Variants in CD226 observed in about 807,000 individuals in gnomAD.
CD226 encodes the protein CD226 antigen.
A neutral mutation model predicts 34.9 loss-of-function variants in CD226; 24 were observed. That is an observed-to-expected ratio of 0.69 (90% CI 0.50 to 0.97). The LOEUF is 0.97. Among genes scored for constraint, CD226 ranks in the 50% least tolerant of loss-of-function variants. CD226 has a pLI of 0.00. For missense variants in CD226, 397 were observed against 412.7 expected (o/e 0.96, Z 0.33); for synonymous variants, 148 against 147.4 (o/e 1.00, Z -0.03).
chr18:69,901,239 A>G (rs2055178678), intron 2 of CD226, among the ~76,000 whole-genome samples: 1 of 152,234 alleles, frequency 6.6e-6, no homozygotes, highest in Non-Finnish European at 1.5e-5. Flanking sequence ...TGTGGAACTT[A>G]AAAAGGAAAA....
At chr18:69,945,798 C>T (rs1003620873) in intron 2 of CD226, among the ~76,000 whole-genome samples, 5 of 152,114 alleles carry the variant, frequency 3.3e-5, no homozygotes, top group Admixed American at 1.3e-4. Context: ...TTTAATTGGA[C>T]TTACAGCACC....
rs1227438358 is a variant in CD226 at position 69,896,257 on chromosome 18, A to C, written c.383-212T>G. ...AGTGCAGTGGTGTGATCTCGGCTCA[A>C]TGCAACCTCCACCTCCCAGGTTCAC... On this transcript the variant is annotated intron_variant, in intron 2 of 5. Coordinates refer to ENST00000582621, the MANE Select transcript of CD226 (RefSeq NM_001303618.2). 5 of 578,168 alleles carry C rather than the reference A, an allele frequency of 8.6e-6. No homozygotes were observed. The East Asian group carries it at 4.4e-4, about 51-fold the overall frequency. 35.8% of individuals were successfully genotyped at this position (578,168 alleles called of 1,614,324 possible).
At chr18:69,925,730 C>G (rs1479389187) in intron 2 of CD226, among the ~76,000 whole-genome samples, 1 of 152,156 alleles carries the variant, frequency 6.6e-6, no homozygotes, top group East Asian at 1.9e-4. Flanking sequence ...CAGTCTCGCT[C>G]CCATATGAAC....
intron 2 of CD226, among the ~76,000 whole-genome samples, chr18:69,919,434 T>C (rs1216995245): frequency 6.6e-6 from 1 of 152,138 alleles, no homozygotes; most frequent in East Asian, 1.9e-4. Context: ...ATTTATCACA[T>C]AAGACAAACC....
intron 3 of CD226, among the ~76,000 whole-genome samples, chr18:69,876,499 C>T (rs1221762816): frequency 6.6e-6 from 1 of 152,198 alleles, no homozygotes; most frequent in African/African-American, 2.4e-5. Context: ...TTTATTCACT[C>T]AGTCTTTAAA....
At chr18:69,901,460 T>C (rs541707235) in intron 2 of CD226, among the ~76,000 whole-genome samples, 2 of 152,184 alleles carry the variant, frequency 1.3e-5, no homozygotes, top group East Asian at 1.9e-4. Flanking sequence ...GTGTGAGAAA[T>C]AGAGAACAAT....
intron 1 of CD226, among the ~76,000 whole-genome samples, chr18:69,956,337 C>T (rs929668120): frequency 1.1e-4 from 16 of 152,214 alleles, no homozygotes; most frequent in Non-Finnish European, 1.9e-4. Flanking sequence ...AGTTTCCCAA[C>T]CCTTGAGTAG....
intron 2 of CD226, among the ~76,000 whole-genome samples, chr18:69,906,186 C>T (rs1256555238): frequency 6.6e-6 from 1 of 151,944 alleles, no homozygotes; most frequent in Non-Finnish European, 1.5e-5. Context: ...AAATGGGAAA[C>T]CAAGAAACAG....
rs1353423122 is a variant in CD226 at position 69,856,681 on chromosome 18, A to G, written c.*7633T>C. 1 of 152,222 alleles carries G rather than the reference A, an allele frequency of 6.6e-6. No homozygotes were observed. The highest frequency in any genetic ancestry group is 6.5e-5 in the Admixed American group (1 of 15,290). 9.4% of individuals were successfully genotyped at this position (152,222 alleles called of 1,614,324 possible). A position where few individuals can be genotyped will look rare whatever the true frequency, so the allele number is the denominator to read the frequency against. ...TAGAAAAATCCCAAAATATATAGAG[A>G]TTAAACAACACATTGTAAATAATTC... is the stretch of plus-strand genomic sequence containing the variant. On this transcript the variant is annotated 3_prime_UTR_variant, in exon 6 of 6. Transcript: ENST00000582621.
chr18:69,950,148 G>A (rs2055838257), upstream of CD226, among the ~76,000 whole-genome samples: 1 of 120,448 alleles, frequency 8.3e-6, no homozygotes, highest in Non-Finnish European at 1.9e-5. Flanking sequence ...ACAATCACAT[G>A]CATCTGCACG....
rs1300100774 is a variant in CD226 at position 69,862,610 on chromosome 18, G to T, written c.*1704C>A. 6.6e-6 allele frequency: 1 copy of T among 152,130 alleles called. No homozygotes were observed. Among genetic ancestry groups the T allele is most frequent in the Non-Finnish European group, 1.5e-5 (1 of 67,994 alleles). The allele number at this position is 152,130 out of a possible 1,614,324, so 9.4% of individuals were successfully genotyped here. On this transcript the variant is annotated 3_prime_UTR_variant, in exon 6 of 6. Transcript: ENST00000582621. ...TTTTATTTTTTCACTCCTGAAAAGGGTTAAAAGAAACTCACAAATTTTATA... is the reference window on the plus strand; with the variant it reads ...TTTTATTTTTTCACTCCTGAAAAGGTTTAAAAGAAACTCACAAATTTTATA...
At chr18:69,877,394 C>T (rs962751521) in intron 3 of CD226, among the ~76,000 whole-genome samples, 1 of 152,216 alleles carries the variant, frequency 6.6e-6, no homozygotes, top group Non-Finnish European at 1.5e-5. Flanking sequence ...CTCCAGGAGG[C>T]TCCACATGTT....
intron 3 of CD226, among the ~76,000 whole-genome samples, chr18:69,894,094 C>T (rs1985063466): frequency 6.8e-6 from 1 of 148,008 alleles, no homozygotes; most frequent in Non-Finnish European, 1.5e-5. Context: ...GGGAATGGAA[C>T]AGAGTGAAAG....
rs149356371 is a variant in CD226 at position 69,943,461 on chromosome 18, T to C, written c.382+3273A>G. 5.5e-3 allele frequency among the ~76,000 whole-genome samples: 831 copies of C among 152,314 alleles called. 5 individuals are homozygous for C. Among genetic ancestry groups the C allele is most frequent in the African/African-American group, 0.019 (794 of 41,572 alleles). On this transcript the variant is annotated intron_variant, in intron 2 of 5. Coordinates refer to ENST00000582621, the MANE Select transcript of CD226 (RefSeq NM_001303618.2). The stretch of plus-strand genomic sequence containing the variant: ...TTACCATCAGAGTCTCTAAATCAAT[T>C]GCTAATGAAGAAATGCCTGTTCTGG...
At chr18:69,876,920 A>G (rs1188281891) in intron 3 of CD226, among the ~76,000 whole-genome samples, 1 of 132,768 alleles carries the variant, frequency 7.5e-6, no homozygotes, top group Non-Finnish European at 1.5e-5. Flanking sequence ...CTGGAGTACA[A>G]TGGCAGGATC....
rs59216052 is a variant in CD226 at position 69,861,554 on chromosome 18, G to GTGTATATATATA, written c.*2759_*2760insTATATATATACA. ...ATAAATTATATGTGTATATATATAT[G>GTGTATATATATA]TATATATATATATATATATGTAAAA... On this transcript the variant is annotated 3_prime_UTR_variant, in exon 6 of 6. Transcript: ENST00000582621. 7.0e-5 allele frequency: 9 copies of GTGTATATATATA among 127,948 alleles called. No homozygotes were observed. The East Asian group carries it at 9.5e-4, about 13-fold the overall frequency. The allele number at this position is 127,948 out of a possible 1,614,324, so 7.9% of individuals were successfully genotyped here. A position where few individuals can be genotyped will look rare whatever the true frequency, so the allele number is the denominator to read the frequency against.
chr18:69,912,666 G>A (rs886660277), intron 2 of CD226, among the ~76,000 whole-genome samples: 1 of 152,082 alleles, frequency 6.6e-6, no homozygotes, highest in Non-Finnish European at 1.5e-5. Flanking sequence ...TAGTCTTTAG[G>A]TCTGATTAAT....
chr18:69,884,061 C>G (rs557364819), intron 3 of CD226, among the ~76,000 whole-genome samples: 2 of 152,342 alleles, frequency 1.3e-5, no homozygotes, highest in African/African-American at 4.8e-5. Context: ...ACAGAATAAG[C>G]CACCCCAGCA....
At chr18:69,865,872 T>G (rs1350171719) in intron 5 of CD226, among the ~76,000 whole-genome samples, 1 of 152,238 alleles carries the variant, frequency 6.6e-6, no homozygotes, top group Non-Finnish European at 1.5e-5. Context: ...TATATACTTT[T>G]GGCTAGGAAT....
Sources: allele counts gnomAD v4.1 joint callset (sites outside exome capture counted in the v4.1 genomes callset), GRCh38; gene constraint gnomAD v4.1.1; transcripts MANE v1.5; gene names NCBI Gene and HGNC (gene_info 2026-07-23, HGNC 2026-07-21).